The following KLHL4 variants were observed in gnomAD, a reference collection of about 807,000 sequenced individuals.
The protein encoded by KLHL4 is kelch like family member 4.
KLHL4 carries 17 observed loss-of-function variants against 45.8 expected under a neutral mutation model. The ratio of observed to expected loss-of-function variants is 0.37; its 90% CI spans 0.25 to 0.56. KLHL4 has a LOEUF of 0.56. KLHL4 is among the 20% of genes least tolerant of loss of function. The probability of loss-of-function intolerance (pLI) is 0.79; values close to 1 mark genes in which losing one functional copy is unlikely to be tolerated. For synonymous variants in KLHL4, 224 were observed against 189.9 expected (o/e 1.18, Z -1.47); for missense variants, 544 against 544.9 (o/e 1.00, Z 0.02).
At chrX:87,598,531 C>G (rs142140998) in intron 1 of KLHL4, among the ~76,000 whole-genome samples, 2,502 of 111,518 alleles carry the variant, frequency 0.022, 31 homozygotes, top group Non-Finnish European at 0.031. Flanking sequence ...AGCAATCCAA[C>G]AATTTAGCAG....
chrX:87,582,033 A>G (rs1921297129), intron 1 of KLHL4, among the ~76,000 whole-genome samples: 1 of 112,176 alleles, frequency 8.9e-6, no homozygotes, highest in Non-Finnish European at 1.9e-5. Flanking sequence ...TGATAGAGCT[A>G]AAAGCACACT....
At chrX:87,621,194 CT>C (rs1219177289) in intron 4 of KLHL4, among the ~76,000 whole-genome samples, 4 of 111,514 alleles carry the variant, frequency 3.6e-5, no homozygotes, top group Non-Finnish European at 5.6e-5. Flanking sequence ...TATTCGGAGA[CT>C]AGCTTAAACT....
At chrX:87,597,029 T>C (rs1270105467) in intron 1 of KLHL4, among the ~76,000 whole-genome samples, 1 of 112,572 alleles carries the variant, frequency 8.9e-6, no homozygotes, top group Non-Finnish European at 1.9e-5. Flanking sequence ...ACTACCTAGA[T>C]TGAAATGCTG....
At position 87,667,961 on chromosome X, in the gene KLHL4, G is replaced by A. The variant is rs143377455; in HGVS notation, c.*1427G>A. The A allele has an allele frequency of 2.4e-4, 169 of 712,580 alleles. 1 individual carries two copies. In the East Asian group the frequency reaches 0.017, roughly 71 times the overall value. 58.7% of individuals were successfully genotyped at this position (712,580 alleles called of 1,213,427 possible). On this transcript the variant is annotated 3_prime_UTR_variant, in exon 11 of 11. Transcript: ENST00000373119. Reference sequence around the variant, plus strand: ...ATAGTGTGGCTTTAGAATATATCAAGTACAACCTGAATGGACTTTTTGATT... The same window carrying A: ...ATAGTGTGGCTTTAGAATATATCAAATACAACCTGAATGGACTTTTTGATT...
chrX:87,600,735 A>C (rs1921992385), intron 1 of KLHL4, among the ~76,000 whole-genome samples: 1 of 112,159 alleles, frequency 8.9e-6, no homozygotes, highest in African/African-American at 3.2e-5. Context: ...TGAATAGCCT[A>C]ACACAAGAAG....
At chrX:87,523,636 C>T (rs1232139726) in intron 1 of KLHL4, among the ~76,000 whole-genome samples, 1 of 111,198 alleles carries the variant, frequency 9.0e-6, no homozygotes, top group African/African-American at 3.3e-5. Context: ...AAATAAACAC[C>T]CATGAGTCCA....
At position 87,568,377 on chromosome X, in the gene KLHL4, T is replaced by C. The variant is rs1027242982; in HGVS notation, c.423-45500T>C. Among the ~76,000 whole-genome samples the C allele has an allele frequency of 9.6e-5, 8 of 83,578 alleles. No individual in the cohort carries two copies. The Admixed American group carries it at 1.1e-3, about 11-fold the overall frequency. The allele number at this position is 83,578 out of a possible 115,157, so 72.6% of individuals were successfully genotyped here. A position where few individuals can be genotyped will look rare whatever the true frequency, so the allele number is the denominator to read the frequency against. On this transcript the variant is annotated intron_variant, in intron 1 of 10. Coordinates refer to ENST00000373119, the MANE Select transcript of KLHL4 (RefSeq NM_019117.5). ...AAATCCCTACAGCTTTTTTTCTTTT[T>C]CTTTTCTTTTTTTCTTTTTTTTTTT...
At chrX:87,653,076 A>T (rs935251315) in intron 9 of KLHL4, among the ~76,000 whole-genome samples, 8 of 111,780 alleles carry the variant, frequency 7.2e-5, no homozygotes, top group Non-Finnish European at 1.5e-4. Flanking sequence ...ACAGTATGGG[A>T]AAAACTGCCG....
rs781458087 is a variant in KLHL4 at position 87,519,587 on chromosome X, C to T, written c.422+1272C>T. 5.4e-5 allele frequency among the ~76,000 whole-genome samples: 6 copies of T among 112,092 alleles called. No individual in the cohort carries two copies. In the East Asian group the frequency reaches 1.7e-3, roughly 31 times the overall value. On this transcript the variant is annotated intron_variant, in intron 1 of 10. Coordinates refer to ENST00000373119, the MANE Select transcript of KLHL4 (RefSeq NM_019117.5). ...TATAAACTTCTCAGGAAATAAAGCA[C>T]GTATGTGTGAAATTTTCCTAAATAT...
At chrX:87,528,455 G>C (rs1931160071) in intron 1 of KLHL4, among the ~76,000 whole-genome samples, 1 of 110,615 alleles carries the variant, frequency 9.0e-6, no homozygotes, top group African/African-American at 3.3e-5. Flanking sequence ...CATGGCTAAT[G>C]CCTGTAATCC....
chrX:87,622,527 T>C, intron 5 of KLHL4, 104 bp downstream of exon 5: 1 of 515,485 alleles, frequency 1.9e-6, no homozygotes, highest in Non-Finnish European at 3.1e-6. Context: ...AGATTCCTGG[T>C]AATTTGAGTG....
rs988311127 is a variant in KLHL4, at chrX:87,631,612, A to G, written c.1325-598A>G. 2.1e-4 allele frequency among the ~76,000 whole-genome samples: 23 copies of G among 111,661 alleles called. 1 individual carries two copies. Among genetic ancestry groups the G allele is most frequent in the African/African-American group, 7.2e-4 (22 of 30,644 alleles). Reference sequence around the variant, plus strand: ...CTGCAGCCTCCGCCTCCTGGGCTGAAGTGGTCTTCCGACCTCAGCCTCCCA... The same window carrying G: ...CTGCAGCCTCCGCCTCCTGGGCTGAGGTGGTCTTCCGACCTCAGCCTCCCA... On this transcript the variant is annotated intron_variant, in intron 6 of 10. Transcript: ENST00000373119.
chrX:87,577,645 G>A (rs1921140880), intron 1 of KLHL4, among the ~76,000 whole-genome samples: 1 of 111,437 alleles, frequency 9.0e-6, no homozygotes, highest in Non-Finnish European at 1.9e-5. Context: ...TTCAGCCTCA[G>A]AGCACATTTA....
intron 1 of KLHL4, among the ~76,000 whole-genome samples, chrX:87,607,099 C>A (rs2147809544): frequency 9.0e-6 from 1 of 111,468 alleles, no homozygotes; most frequent in South Asian, 3.8e-4. Context: ...TATTCCTCTT[C>A]ATTTCTTGAG....
chrX:87,561,936 C>T (rs1275995632), intron 1 of KLHL4, among the ~76,000 whole-genome samples: 2 of 109,764 alleles, frequency 1.8e-5, no homozygotes, highest in Non-Finnish European at 3.8e-5. Flanking sequence ...AGGACCCAGT[C>T]CTGGCAGGAT....
chrX:87,577,707 G>A (rs1282638804), intron 1 of KLHL4, among the ~76,000 whole-genome samples: 3 of 111,217 alleles, frequency 2.7e-5, no homozygotes, highest in African/African-American at 9.8e-5. Context: ...TTTCTAAATG[G>A]GAAAAGGATT....
chrX:87,603,468 T>C (rs1922083145), intron 1 of KLHL4, among the ~76,000 whole-genome samples: 1 of 111,177 alleles, frequency 9.0e-6, no homozygotes. Context: ...GTAATACTAT[T>C]AGGAGAATGG....
intron 3 of KLHL4, among the ~76,000 whole-genome samples, chrX:87,617,680 G>C (rs966655165): frequency 9.0e-6 from 1 of 111,559 alleles, no homozygotes; most frequent in Admixed American, 9.6e-5. Flanking sequence ...ACAAGTTGCT[G>C]TTCTTTACAA....
chrX:87,558,819 T>C (rs1047741353), intron 1 of KLHL4, among the ~76,000 whole-genome samples: 1 of 112,488 alleles, frequency 8.9e-6, no homozygotes, highest in Non-Finnish European at 1.9e-5. Context: ...TAACATTTTC[T>C]AGTAATCCAA....
Sources: gnomAD v4.1 joint callset for allele counts (sites outside exome capture counted in the v4.1 genomes callset) on GRCh38, gnomAD v4.1.1 for gene constraint, MANE v1.5 for transcripts, NCBI Gene and HGNC (gene_info 2026-07-23, HGNC 2026-07-21) for gene names.